Variants in ABCA4 observed in about 807,000 individuals in gnomAD.
The protein encoded by ABCA4 is retinal-specific phospholipid-transporting ATPase ABCA4.
In ABCA4, 196 loss-of-function variants were observed where a neutral mutation model predicts 263.7. The ratio of observed to expected loss-of-function variants is 0.74; its 90% CI spans 0.66 to 0.84. ABCA4 has a LOEUF of 0.84. ABCA4 is among the 40% of genes least tolerant of loss of function. The probability of loss-of-function intolerance (pLI) is 0.00; values close to 1 mark genes in which losing one functional copy is unlikely to be tolerated. For synonymous variants in ABCA4, 1,133 were observed against 1,094.2 expected, an observed-to-expected ratio of 1.04 and a Z score of -0.70; for missense variants, 2,792 against 2,855.1, an observed-to-expected ratio of 0.98 and a Z score of 0.50.
Position 94,001,848 on chromosome 1 carries a change from C to T in ABCA4, c.6282+10G>A, listed in dbSNP as rs748533781. 14 of 1,614,198 alleles carry T rather than the reference C, an allele frequency of 8.7e-6. No individual in the cohort carries two copies. Among genetic ancestry groups the T allele is most frequent in the Non-Finnish European group, 1.2e-5 (14 of 1,180,036 alleles). On this transcript the variant is annotated intron_variant, in intron 45 of 49. Transcript: ENST00000370225. ...TTTAAGCCCTTGGTGCGGCCCAAGC[C>T]CGCAGTTACCAGCAGCACCAGCGGT...
rs763003887 is a variant in ABCA4 at position 94,045,859 on chromosome 1, C to A, written c.2918+1060G>T. ...ACTGTGTCACGTGGGTTCGCTGCCC[C>A]CTGCGAGGTCCGTGTCTGCTGCTCC... On this transcript the variant is annotated intron_variant, in intron 19 of 49. Coordinates refer to ENST00000370225, the MANE Select transcript of ABCA4 (RefSeq NM_000350.3). 65 of 456,160 alleles carry A rather than the reference C, an allele frequency of 1.4e-4. No homozygotes were observed. The highest frequency in any genetic ancestry group is 9.8e-4 in the South Asian group (63 of 64,574). 28.3% of individuals were successfully genotyped at this position (456,160 alleles called of 1,614,324 possible).
intron 40 of ABCA4, among the ~76,000 whole-genome samples, chr1:94,009,158 G>T (rs547624298): frequency 1.3e-5 from 2 of 152,150 alleles, no homozygotes; most frequent in South Asian, 2.1e-4. Context: ...CATGTGATGA[G>T]GAGGAGGGTA....
chr1:94,104,816 A>C (rs1253895519), intron 4 of ABCA4, among the ~76,000 whole-genome samples: 1 of 152,060 alleles, frequency 6.6e-6, no homozygotes, highest in Non-Finnish European at 1.5e-5. Flanking sequence ...CAAAAACATA[A>C]ATCCGGCTGT....
intron 49 of ABCA4, among the ~76,000 whole-genome samples, chr1:93,995,434 G>A (rs1387638818): frequency 6.6e-6 from 1 of 152,168 alleles, no homozygotes; most frequent in Non-Finnish European, 1.5e-5. Flanking sequence ...TGGGATGCTG[G>A]TGCCTCCTCC....
At chr1:94,048,791 G>A in intron 18 of ABCA4, 77 bp downstream of exon 18, 1 of 1,376,238 alleles carries the variant, frequency 7.3e-7, no homozygotes, top group South Asian at 1.2e-5. Context: ...CTTGCCATGA[G>A]ATGTTTTGCT....
rs61749416 is a variant in ABCA4 at position 94,062,592 on chromosome 1, C to T, written c.1922G>A (p.Cys641Tyr). Residue 641 changes from cysteine to tyrosine, a missense_variant, in exon 13 of 50, where the codon TGC (cysteine) becomes TAC (tyrosine). Cys to Tyr is a radical substitution (Grantham distance 194). Coordinates refer to ENST00000370225, the MANE Select transcript of ABCA4 (RefSeq NM_000350.3). ...GIYLQQMPYP[C>Y]FVDDSFMIIL... ...TCAGACTCACGAATCGTCCACGAAG[C>T]AGGGGTAGGGCATCTGCTGGAGGTA... 1 of 1,614,048 alleles carries T rather than the reference C, an allele frequency of 6.2e-7. No individual in the cohort carries two copies. Among genetic ancestry groups the T allele is most frequent in the African/African-American group, 1.3e-5 (1 of 74,928 alleles).
intron 6 of ABCA4, among the ~76,000 whole-genome samples, chr1:94,097,685 T>C (rs1249694049): frequency 6.6e-6 from 1 of 152,100 alleles, no homozygotes; most frequent in Non-Finnish European, 1.5e-5. Flanking sequence ...ATCACAGTGA[T>C]TGGGGGTGGG....
intron 6 of ABCA4, among the ~76,000 whole-genome samples, chr1:94,095,754 T>TG (rs1355534332): frequency 6.6e-6 from 1 of 151,634 alleles, no homozygotes; most frequent in East Asian, 1.9e-4. Context: ...TTCAGGTTTT[T>TG]TTTTTTTTTT....
At chr1:94,032,651 A>C (rs1213039060) in intron 26 of ABCA4, among the ~76,000 whole-genome samples, 1 of 152,206 alleles carries the variant, frequency 6.6e-6, no homozygotes, top group Non-Finnish European at 1.5e-5. Context: ...CACAAAGAAA[A>C]CCAAACAAAC....
In ABCA4 at chr1:94,055,225, C is replaced by T. The variant is rs368367104; in HGVS notation, c.2473G>A (p.Gly825Arg). ...TCGTCCCCTTCCGTGGGACTGTTCCCGATGTTGCTCCACTGCAGCCCCAGG... is the reference window on the plus strand; with the variant it reads ...TCGTCCCCTTCCGTGGGACTGTTCCTGATGTTGCTCCACTGCAGCCCCAGG... The part of the protein sequence containing the change: ...QGLGLQWSNI[G>R]NSPTEGDEFS... The change falls in exon 16 of 50, where the codon GGG becomes AGG. Residue 825 changes from glycine to arginine, a missense_variant. Transcript: ENST00000370225. 6.3e-5 allele frequency: 102 copies of T among 1,614,138 alleles called. No homozygotes were observed. In the Middle Eastern group the frequency reaches 9.9e-4, roughly 16 times the overall value.
At chr1:94,031,659 A>G in intron 27 of ABCA4, 119 bp downstream of exon 27, 1 of 1,363,034 alleles carries the variant, frequency 7.3e-7, no homozygotes. Context: ...AACCAGCAGA[A>G]TCTAAAGAGG....
At chr1:94,027,543 G>A (rs1314308011) in intron 30 of ABCA4, among the ~76,000 whole-genome samples, 3 of 152,344 alleles carry the variant, frequency 2.0e-5, no homozygotes, top group Admixed American at 1.3e-4. Flanking sequence ...TCCCTATGAT[G>A]CAGCAGATGA....
chr1:94,108,372 T>C (rs1008614097), intron 4 of ABCA4, among the ~76,000 whole-genome samples: 11 of 152,210 alleles, frequency 7.2e-5, no homozygotes, highest in African/African-American at 2.4e-4. Context: ...AGACCTTTCC[T>C]GCCTTCCTTC....
chr1:94,077,427 G>C (rs1661565195), intron 11 of ABCA4, among the ~76,000 whole-genome samples: 1 of 152,184 alleles, frequency 6.6e-6, no homozygotes. Flanking sequence ...GACAGACACA[G>C]ATGCTTAAAG....
chr1:94,105,178 A>G (rs1194870063), intron 4 of ABCA4, among the ~76,000 whole-genome samples: 1 of 152,214 alleles, frequency 6.6e-6, no homozygotes, highest in Non-Finnish European at 1.5e-5. Flanking sequence ...CTGACATCCA[A>G]TCAGAGTCTC....
intron 47 of ABCA4, among the ~76,000 whole-genome samples, chr1:93,998,676 T>C (rs1383930182): frequency 6.6e-6 from 1 of 152,070 alleles, no homozygotes; most frequent in Admixed American, 6.5e-5. Flanking sequence ...ATAATCGTAC[T>C]TGCTGAAGTC....
chr1:93,995,913 C>A (rs1485714810), intron 49 of ABCA4, among the ~76,000 whole-genome samples, 196 bp downstream of exon 49: 1 of 152,188 alleles, frequency 6.6e-6, no homozygotes, highest in Non-Finnish European at 1.5e-5. Flanking sequence ...AGTTCTTCAG[C>A]ACAGAACACA....
chr1:94,048,814 A>G, intron 18 of ABCA4, 54 bp downstream of exon 18: 1 of 1,557,818 alleles, frequency 6.4e-7, no homozygotes, highest in Non-Finnish European at 8.9e-7. Flanking sequence ...GGCCCTCTGC[A>G]GTGCTTAGAG....
chr1:94,039,529 A>C (rs944123292), intron 24 of ABCA4, among the ~76,000 whole-genome samples: 6 of 152,220 alleles, frequency 3.9e-5, no homozygotes, highest in African/African-American at 1.4e-4. Flanking sequence ...TGAGAGCTTC[A>C]GTGCATCCTA....
Sources: gnomAD v4.1 joint callset for allele counts (sites outside exome capture counted in the v4.1 genomes callset) on GRCh38, gnomAD v4.1.1 for gene constraint, MANE v1.5 for transcripts, NCBI Gene and HGNC (gene_info 2026-07-23, HGNC 2026-07-21) for gene names.